SOS1: variants seen among roughly 807,000 people sequenced by gnomAD.
SOS1 encodes the protein SOS Ras/Rac guanine nucleotide exchange factor 1, also known as son of sevenless homolog 1.
In SOS1, 25 loss-of-function variants were observed where a neutral mutation model predicts 157.6. The ratio of observed to expected loss-of-function variants is 0.16; its 90% confidence interval spans 0.12 to 0.22. The LOEUF (loss-of-function observed/expected upper bound fraction) is 0.22. Among genes scored for constraint, SOS1 ranks in the 10% least tolerant of loss-of-function variants. The probability of loss-of-function intolerance (pLI) is 1.00; values close to 1 mark genes in which losing one functional copy is unlikely to be tolerated. For synonymous variants in SOS1, 528 were observed against 534.0 expected (o/e 0.99, Z 0.16); for missense variants, 1,237 against 1,599.1 (o/e 0.77, Z 3.86).
At chr2:39,014,408 T>C (rs917854216) in intron 11 of SOS1, among the ~76,000 whole-genome samples, 12 of 152,056 alleles carry the variant, frequency 7.9e-5, no homozygotes, top group Admixed American at 7.2e-4. Flanking sequence ...ATCACAGTAT[T>C]TGTTCACTGA....
rs1392403395 is a variant in SOS1, at chr2:39,120,992, A to C, written c.-570T>G. ...AGGTGCCGCCGCGGCCGCCGCCGCC[A>C]CCGCCGCCGCCGGTGTAGCGCTGGA... is the stretch of plus-strand genomic sequence containing the variant. On this transcript the variant is annotated 5_prime_UTR_variant, in exon 1 of 23. Transcript: ENST00000402219. The C allele has an allele frequency of 3.0e-4, 52 of 175,910 alleles. No individual in the cohort carries two copies. The East Asian group carries it at 8.4e-3, about 28-fold the overall frequency. The allele number at this position is 175,910 out of a possible 1,614,324, so 10.9% of individuals were successfully genotyped here.
rs533150384 is a variant in SOS1 at position 39,051,010 on chromosome 2, A to T, written c.864+134T>A. The T allele has an allele frequency of 7.0e-4, 578 of 823,262 alleles. 2 individuals are homozygous for T. In the South Asian group the frequency reaches 8.0e-3, roughly 11 times the overall value. The allele number at this position is 823,262 out of a possible 1,614,324, so 51.0% of individuals were successfully genotyped here. On this transcript the variant is annotated intron_variant, in intron 6 of 22. Transcript: ENST00000402219. ...AACATATGTTGACAATGACCCTATG[A>T]AAAAGGAGCAATAACAGATAAATAG...
At chr2:39,046,057 G>A (rs1483801970) in intron 6 of SOS1, among the ~76,000 whole-genome samples, 1 of 152,068 alleles carries the variant, frequency 6.6e-6, no homozygotes, top group Non-Finnish European at 1.5e-5. Context: ...TCTTTAAATA[G>A]GCTGAGTTTC....
Position 38,983,397 on chromosome 2 carries a change from T to G in SOS1, c.*2427A>C, listed in dbSNP as rs1215831982. ...ACTGCAGAAAATATTTTTACCTAAA[T>G]GTAACAGTTCAGAATAAAAATATCC... On this transcript the variant is annotated 3_prime_UTR_variant, in exon 23 of 23. Transcript: ENST00000402219. The G allele has an allele frequency of 6.6e-6, 1 of 152,188 alleles. No individual in the cohort carries two copies. The highest frequency in any genetic ancestry group is 1.5e-5 in the Non-Finnish European group (1 of 68,016). The allele number at this position is 152,188 out of a possible 1,614,324, so 9.4% of individuals were successfully genotyped here.
chr2:38,997,193 T>C, intron 18 of SOS1, 60 bp downstream of exon 18: 1 of 1,375,622 alleles, frequency 7.3e-7, no homozygotes, highest in East Asian at 2.3e-5. Context: ...TAAACCTGCC[T>C]TTTATTAAGT....
Position 39,045,273 on chromosome 2 carries a change from A to AGAGAGTGT in SOS1, c.864+5870_864+5871insACACTCTC, listed in dbSNP as rs138343013. 6.6e-3 allele frequency among the ~76,000 whole-genome samples: 715 copies of AGAGAGTGT among 108,036 alleles called. 5 individuals are homozygous for AGAGAGTGT. The highest frequency in any genetic ancestry group is 0.013 in the African/African-American group (385 of 29,444). 70.9% of individuals were successfully genotyped at this position (108,036 alleles called of 152,430 possible). A position where few individuals can be genotyped will look rare whatever the true frequency, so the allele number is the denominator to read the frequency against. ...GAGAGAGAGAGAGAGAGAGAGAGAG[A>AGAGAGTGT]GTGTGTGTGTGTGTGTGTGTGTGTG... is the stretch of plus-strand genomic sequence containing the variant. On this transcript the variant is annotated intron_variant, in intron 6 of 22. Coordinates refer to ENST00000402219, the MANE Select transcript of SOS1 (RefSeq NM_005633.4).
intron 1 of SOS1, among the ~76,000 whole-genome samples, chr2:39,110,865 C>T (rs907190338): frequency 1.3e-5 from 2 of 152,194 alleles, no homozygotes; most frequent in Non-Finnish European, 2.9e-5. Context: ...CTTTGGGAGG[C>T]TGAAGCGGGT....
Position 39,113,357 on chromosome 2 carries a change from C to CT in SOS1, c.87+6978dup, listed in dbSNP as rs573347245. 6.2e-3 allele frequency among the ~76,000 whole-genome samples: 858 copies of CT among 137,308 alleles called. 6 individuals are homozygous for CT. Among genetic ancestry groups the CT allele is most frequent in the Middle Eastern group, 0.027 (7 of 264 alleles). 90.1% of individuals were successfully genotyped at this position (137,308 alleles called of 152,430 possible). On this transcript the variant is annotated intron_variant, in intron 1 of 22. Transcript: ENST00000402219. ...AGGCATGTACCACCATACCTGTCTTCTTTTTTTTTTTTTTTTCCCTTGTAG... is the reference window on the plus strand; with the variant it reads ...AGGCATGTACCACCATACCTGTCTTCTTTTTTTTTTTTTTTTTCCCTTGTAG...
intron 17 of SOS1, among the ~76,000 whole-genome samples, chr2:39,002,663 T>C (rs958392161): frequency 1.3e-5 from 2 of 152,238 alleles, no homozygotes; most frequent in Non-Finnish European, 2.9e-5. Context: ...ATCCAGAGCC[T>C]TTCCAGTTCC....
At chr2:39,103,980 A>G (rs1673070213) in intron 1 of SOS1, among the ~76,000 whole-genome samples, 1 of 152,154 alleles carries the variant, frequency 6.6e-6, no homozygotes, top group Non-Finnish European at 1.5e-5. Context: ...AAACAACCAA[A>G]TTAAAAAATG....
intron 15 of SOS1, 85 bp from the exon 16 acceptor site, chr2:39,007,278 G>T: frequency 5.6e-6 from 5 of 889,156 alleles, no homozygotes; most frequent in Non-Finnish European, 9.4e-6. Context: ...ATAAAATAAT[G>T]TAGAGAGTAG....
intron 1 of SOS1, among the ~76,000 whole-genome samples, chr2:39,104,946 G>C (rs1441886165): frequency 6.6e-6 from 1 of 152,180 alleles, no homozygotes. Context: ...ACAACATTGT[G>C]AATGTAATTA....
In SOS1 at chr2:39,023,340, C is replaced by T; in HGVS notation, c.1203-115G>A. On this transcript the variant is annotated intron_variant, in intron 9 of 22. Coordinates refer to ENST00000402219, the MANE Select transcript of SOS1 (RefSeq NM_005633.4). Reference sequence around the variant, plus strand: ...ACAAGTCTCACTGAGAAGGTATTCACTAATTCCCCAAATAGATTAGAATTA... The same window carrying T: ...ACAAGTCTCACTGAGAAGGTATTCATTAATTCCCCAAATAGATTAGAATTA... 3 of 714,386 alleles carry T rather than the reference C, an allele frequency of 4.2e-6. No homozygotes were observed. In the South Asian group the frequency reaches 5.7e-5, roughly 14 times the overall value. 44.3% of individuals were successfully genotyped at this position (714,386 alleles called of 1,614,324 possible). A position where few individuals can be genotyped will look rare whatever the true frequency, so the allele number is the denominator to read the frequency against.
intron 1 of SOS1, among the ~76,000 whole-genome samples, chr2:39,092,835 T>C (rs1387897988): frequency 8.5e-5 from 13 of 152,232 alleles, no homozygotes; most frequent in Non-Finnish European, 1.5e-4. Flanking sequence ...AAGCTCTAAA[T>C]TAGTTGTAAA....
intron 17 of SOS1, among the ~76,000 whole-genome samples, chr2:39,004,115 A>G (rs183765178): frequency 1.3e-5 from 2 of 152,234 alleles, no homozygotes; most frequent in Non-Finnish European, 2.9e-5. Context: ...TACAATACAT[A>G]TTAAAGAAGG....
intron 1 of SOS1, 60 bp downstream of exon 1, chr2:39,120,276 T>C (rs868206732): frequency 2.1e-6 from 3 of 1,460,746 alleles, no homozygotes; most frequent in African/African-American, 2.9e-5. Context: ...TCCCCAGCCC[T>C]TCCCCAGCGC....
chr2:39,062,435 T>TAAAAAAAAAAAAAAGA (rs397974197), intron 2 of SOS1, among the ~76,000 whole-genome samples: 2 of 138,474 alleles, frequency 1.4e-5, no homozygotes, highest in African/African-American at 2.7e-5. Context: ...AAAAAAAAAT[T>TAAAAAAAAAAAAAAGA]AAAAAAAAAA....
At chr2:38,987,378 G>A (rs2124458284) in intron 22 of SOS1, 95 bp downstream of exon 22, 1 of 724,976 alleles carries the variant, frequency 1.4e-6, no homozygotes, top group South Asian at 1.5e-5. Context: ...ACTCTGAAAT[G>A]TTAACTTATC....
chr2:38,986,502 A>C (rs906802164), intron 22 of SOS1, among the ~76,000 whole-genome samples, 187 bp from the exon 23 acceptor site: 4 of 151,466 alleles, frequency 2.6e-5, no homozygotes, highest in Non-Finnish European at 5.9e-5. Flanking sequence ...GCCTTGCTCT[A>C]TTGCCCAGAC....
Sources: gnomAD v4.1 joint callset for allele counts (sites outside exome capture counted in the v4.1 genomes callset) on GRCh38, gnomAD v4.1.1 for gene constraint, MANE v1.5 for transcripts, NCBI Gene and HGNC (gene_info 2026-07-23, HGNC 2026-07-21) for gene names.